The following TOP6BL variants were observed in gnomAD, a reference collection of about 807,000 sequenced individuals.
The protein encoded by TOP6BL is type 2 DNA topoisomerase 6 subunit B-like.
At chr11:66,745,130 T>C in the TOP6BL span, among the ~76,000 whole-genome samples, 2 of 151,986 alleles carry the variant, frequency 1.3e-5, no homozygotes, top group Admixed American at 1.3e-4. Flanking sequence ...AACGACGCCC[T>C]CTCTCCAGCC....
the TOP6BL span, among the ~76,000 whole-genome samples, chr11:66,755,517 A>G: frequency 6.6e-6 from 1 of 151,880 alleles, no homozygotes; most frequent in Non-Finnish European, 1.5e-5. Flanking sequence ...TATTTTATTG[A>G]GGTTTCAGGA....
the TOP6BL span, among the ~76,000 whole-genome samples, chr11:66,779,191 C>T: frequency 6.6e-6 from 1 of 152,132 alleles, no homozygotes; most frequent in East Asian, 1.9e-4. Flanking sequence ...AGAGCTTCTG[C>T]ACAGCAAAAG....
At chr11:66,815,923 G>T in the TOP6BL span, 1 of 864,220 alleles carries the variant, frequency 1.2e-6, no homozygotes, top group Non-Finnish European at 1.7e-6. Context: ...GTTCAGGAGG[G>T]TAAATGGGTG....
chr11:66,796,012 C>T, the TOP6BL span: 1 of 312,310 alleles, frequency 3.2e-6, no homozygotes. Context: ...TAAATTTGTC[C>T]CCAAAGGTGG....
the TOP6BL span, among the ~76,000 whole-genome samples, chr11:66,756,059 T>C: frequency 6.6e-6 from 1 of 152,232 alleles, no homozygotes; most frequent in African/African-American, 2.4e-5. Flanking sequence ...ATATCTGAGA[T>C]GATTCATCTA....
the TOP6BL span, among the ~76,000 whole-genome samples, chr11:66,754,967 A>G: frequency 1.3e-5 from 2 of 152,136 alleles, no homozygotes; most frequent in South Asian, 2.1e-4. Context: ...CCTCACCCAT[A>G]CATTCAGAGG....
chr11:66,752,517 T>G, the TOP6BL span, among the ~76,000 whole-genome samples: 4 of 152,088 alleles, frequency 2.6e-5, no homozygotes, highest in African/African-American at 2.4e-5. Context: ...AGTGGCATGA[T>G]CTCGACTTAC....
At chr11:66,806,594 C>T in the TOP6BL span, among the ~76,000 whole-genome samples, 1 of 152,062 alleles carries the variant, frequency 6.6e-6, no homozygotes. Flanking sequence ...ATGGCAAAAC[C>T]CTGTCTCTAT....
the TOP6BL span, chr11:66,828,225 A>G: frequency 6.9e-7 from 1 of 1,451,794 alleles, no homozygotes; most frequent in Non-Finnish European, 9.6e-7. Flanking sequence ...CTTGGTTTCC[A>G]GTACTGGAAC....
chr11:66,778,735 A>T, the TOP6BL span, among the ~76,000 whole-genome samples: 2 of 152,200 alleles, frequency 1.3e-5, no homozygotes, highest in Non-Finnish European at 2.9e-5. Flanking sequence ...ACAAAGCTGG[A>T]GGCATCACGC....
chr11:66,810,862 AT>A, the TOP6BL span, among the ~76,000 whole-genome samples: 1 of 147,356 alleles, frequency 6.8e-6, no homozygotes, highest in Admixed American at 7.7e-5. Context: ...AAAAAAAAAA[AT>A]CTTTAAAAAA....
At chr11:66,827,020 T>C in the TOP6BL span, among the ~76,000 whole-genome samples, 1 of 146,674 alleles carries the variant, frequency 6.8e-6, no homozygotes, top group African/African-American at 2.5e-5. Context: ...TCGCTCTTGT[T>C]GCCCAGGCTG....
At chr11:66,824,946 C>T in the TOP6BL span, among the ~76,000 whole-genome samples, 1 of 151,920 alleles carries the variant, frequency 6.6e-6, no homozygotes, top group Non-Finnish European at 1.5e-5. Context: ...ATTTATAATC[C>T]TTTGGGTATA....
the TOP6BL span, among the ~76,000 whole-genome samples, chr11:66,797,505 A>C: frequency 6.6e-6 from 1 of 151,900 alleles, no homozygotes; most frequent in Non-Finnish European, 1.5e-5. Flanking sequence ...AGAACAAATA[A>C]GGACTTTTTT....
the TOP6BL span, chr11:66,762,332 C>T: frequency 2.5e-6 from 1 of 396,814 alleles, no homozygotes; most frequent in Admixed American, 4.5e-5. Flanking sequence ...GGGGCGGGCC[C>T]CGGGGGTGTG....
chr11:66,825,881 G>A, the TOP6BL span, among the ~76,000 whole-genome samples: 8 of 148,464 alleles, frequency 5.4e-5, no homozygotes, highest in African/African-American at 7.5e-5. Flanking sequence ...TCGCTCTGTC[G>A]CCCAGGCTGG....
chr11:66,802,662 C>T, the TOP6BL span, among the ~76,000 whole-genome samples: 1 of 152,146 alleles, frequency 6.6e-6, no homozygotes, highest in African/African-American at 2.4e-5. Flanking sequence ...CACTAGTAGT[C>T]AAAGTCTCTT....
the TOP6BL span, among the ~76,000 whole-genome samples, chr11:66,836,115 A>G: frequency 6.6e-6 from 1 of 152,066 alleles, no homozygotes; most frequent in South Asian, 2.1e-4. Context: ...TTTGATTTGC[A>G]TTTCTCTAGT....
At chr11:66,814,957 T>C in the TOP6BL span, among the ~76,000 whole-genome samples, 2 of 152,112 alleles carry the variant, frequency 1.3e-5, no homozygotes, top group Non-Finnish European at 2.9e-5. Context: ...TGGGCTGATA[T>C]CTAGGAGGGG....
Sources: gnomAD v4.1 joint callset for allele counts (sites outside exome capture counted in the v4.1 genomes callset) on GRCh38, gnomAD v4.1.1 for gene constraint, MANE v1.5 for transcripts, NCBI Gene and HGNC (gene_info 2026-07-23, HGNC 2026-07-21) for gene names.